The following THSD7B variants were observed in gnomAD, a reference collection of about 807,000 sequenced individuals.
The protein encoded by THSD7B is thrombospondin type 1 domain containing 7B, also known as thrombospondin type-1 domain-containing protein 7B.
THSD7B carries 138 observed loss-of-function variants against 213.6 expected under a neutral mutation model. The observed-to-expected ratio is 0.65, with a 90% CI of 0.56 to 0.74. The LOEUF (loss-of-function observed/expected upper bound fraction) is 0.74. Among genes scored for constraint, THSD7B ranks in the 30% least tolerant of loss-of-function variants. THSD7B has a pLI of 0.00. For synonymous variants in THSD7B, 742 were observed against 687.0 expected (o/e 1.08, Z -1.25); for missense variants, 1,931 against 1,991.5 (o/e 0.97, Z 0.58).
At chr2:137,212,822 C>A (rs1052687971) in intron 7 of THSD7B, among the ~76,000 whole-genome samples, 5 of 151,878 alleles carry the variant, frequency 3.3e-5, no homozygotes, top group African/African-American at 9.7e-5. Context: ...AGGACAAAAC[C>A]AAGATGCTAT....
chr2:137,020,960 T>G (rs1460301398), intron 2 of THSD7B, among the ~76,000 whole-genome samples: 4 of 152,168 alleles, frequency 2.6e-5, no homozygotes, highest in African/African-American at 4.8e-5. Context: ...GACAGCATCA[T>G]GTTAATTGGC....
intron 15 of THSD7B, among the ~76,000 whole-genome samples, chr2:137,558,316 A>G (rs1235370714): frequency 6.6e-6 from 1 of 152,240 alleles, no homozygotes; most frequent in Non-Finnish European, 1.5e-5. Context: ...AATCCTTAAT[A>G]AAATACTGGC....
At chr2:137,500,896 A>T (rs1338091481) in intron 15 of THSD7B, among the ~76,000 whole-genome samples, 2 of 152,210 alleles carry the variant, frequency 1.3e-5, no homozygotes, top group Admixed American at 1.3e-4. Context: ...GATTGTTGCA[A>T]ATGTGAATTG....
chr2:136,929,773 G>A (rs1321661655), intron 2 of THSD7B, among the ~76,000 whole-genome samples: 1 of 152,116 alleles, frequency 6.6e-6, no homozygotes, highest in Non-Finnish European at 1.5e-5. Context: ...TTCCCTGTGG[G>A]GTAGTTGCTT....
At chr2:137,560,463 G>GA (rs967855311) in intron 15 of THSD7B, among the ~76,000 whole-genome samples, 12 of 151,896 alleles carry the variant, frequency 7.9e-5, no homozygotes, top group African/African-American at 2.4e-4. Context: ...ATCTCAAGGA[G>GA]AAAAAACCAA....
chr2:136,996,242 G>T (rs768267889), intron 2 of THSD7B, among the ~76,000 whole-genome samples: 1 of 152,118 alleles, frequency 6.6e-6, no homozygotes, highest in Non-Finnish European at 1.5e-5. Flanking sequence ...TAACTAATTG[G>T]AAAAGACATG....
intron 12 of THSD7B, among the ~76,000 whole-genome samples, chr2:137,291,545 A>C (rs1340978515): frequency 6.6e-6 from 1 of 152,180 alleles, no homozygotes; most frequent in Non-Finnish European, 1.5e-5. Flanking sequence ...TAATGAAAGT[A>C]TGATTTTATT....
chr2:137,001,465 A>T (rs577048933), intron 2 of THSD7B, among the ~76,000 whole-genome samples: 2 of 152,278 alleles, frequency 1.3e-5, no homozygotes, highest in South Asian at 4.1e-4. Flanking sequence ...TATTATTAGG[A>T]TTGCATTGCA....
chr2:136,944,909 G>A (rs924049741), intron 2 of THSD7B, among the ~76,000 whole-genome samples: 2 of 152,106 alleles, frequency 1.3e-5, no homozygotes, highest in Admixed American at 6.5e-5. Context: ...ATATTGTTAT[G>A]TGTGAATCTG....
At chr2:137,147,662 A>G (rs964469762) in intron 5 of THSD7B, among the ~76,000 whole-genome samples, 1 of 152,022 alleles carries the variant, frequency 6.6e-6, no homozygotes, top group African/African-American at 2.4e-5. Context: ...CCGTTCAGAT[A>G]CTTTTAGGTC....
At chr2:137,198,403 A>T (rs1680808113) in intron 7 of THSD7B, among the ~76,000 whole-genome samples, 1 of 152,180 alleles carries the variant, frequency 6.6e-6, no homozygotes, top group Non-Finnish European at 1.5e-5. Context: ...TATGTTTAAT[A>T]AAAATCTGCT....
At chr2:137,236,515 C>G (rs1681767010) in intron 9 of THSD7B, among the ~76,000 whole-genome samples, 1 of 152,020 alleles carries the variant, frequency 6.6e-6, no homozygotes, top group South Asian at 2.1e-4. Flanking sequence ...CTTTTCTTTC[C>G]CCGGTGGCAG....
At chr2:137,017,312 T>C (rs1390962323) in intron 2 of THSD7B, among the ~76,000 whole-genome samples, 1 of 151,718 alleles carries the variant, frequency 6.6e-6, no homozygotes, top group Non-Finnish European at 1.5e-5. Flanking sequence ...TCTCTCTCTT[T>C]ATAAGAGAAA....
At chr2:137,572,283 G>T in intron 16 of THSD7B, 123 bp from the exon 17 acceptor site, 1 of 1,196,170 alleles carries the variant, frequency 8.4e-7, no homozygotes, top group Non-Finnish European at 1.2e-6. Context: ...TGTTCCCCTT[G>T]GTTTCTGTGC....
chr2:137,196,234 C>T (rs62172352), intron 7 of THSD7B, among the ~76,000 whole-genome samples: 3 of 152,148 alleles, frequency 2.0e-5, no homozygotes, highest in Non-Finnish European at 4.4e-5. Flanking sequence ...AAAAGCCCTC[C>T]GGCAGAATGC....
chr2:136,837,328 C>T (rs1026421067), intron 1 of THSD7B, among the ~76,000 whole-genome samples: 1 of 152,182 alleles, frequency 6.6e-6, no homozygotes, highest in African/African-American at 2.4e-5. Context: ...ACCTCATTCA[C>T]TCTGCTCTAG....
intron 1 of THSD7B, among the ~76,000 whole-genome samples, chr2:136,838,446 T>C (rs1682874979): frequency 6.6e-6 from 1 of 152,216 alleles, no homozygotes. Flanking sequence ...GTAGCTTCTG[T>C]AGTTTCTATA....
intron 2 of THSD7B, among the ~76,000 whole-genome samples, chr2:137,052,850 C>A (rs2104873106): frequency 6.6e-6 from 1 of 152,264 alleles, no homozygotes; most frequent in Admixed American, 6.5e-5. Context: ...CTGCAAATGG[C>A]TATAGGTCAA....
In THSD7B at chr2:137,457,941, A is replaced by G. The variant is rs74765681; in HGVS notation, c.3138+6918A>G. 8.9e-3 allele frequency among the ~76,000 whole-genome samples: 1,363 copies of G among 152,314 alleles called. 8 individuals carry two copies. Among genetic ancestry groups the G allele is most frequent in the Non-Finnish European group, 0.014 (934 of 68,024 alleles). On this transcript the variant is annotated intron_variant, in intron 15 of 27. Transcript: ENST00000409968. ...TAGCCATTTAGTCCACCCCTAAATA[A>G]ATGAAGGTTCTGGGAATTTAACCAT... is the stretch of plus-strand genomic sequence containing the variant.
Sources: allele counts gnomAD v4.1 joint callset (sites outside exome capture counted in the v4.1 genomes callset), GRCh38; gene constraint gnomAD v4.1.1; transcripts MANE v1.5; gene names NCBI Gene and HGNC (gene_info 2026-07-23, HGNC 2026-07-21).